The following RGMA variants were observed in gnomAD, a reference collection of about 807,000 sequenced individuals.
The protein encoded by RGMA is repulsive guidance molecule BMP co-receptor a, also known as repulsive guidance molecule A.
Under a neutral mutation model 23.2 loss-of-function variants are expected in RGMA, and 10 were observed. The ratio of observed to expected loss-of-function variants is 0.43; its 90% confidence interval spans 0.27 to 0.73. The LOEUF is 0.73. Among genes scored for constraint, RGMA ranks in the 30% least tolerant of loss-of-function variants. The pLI, the probability that RGMA is intolerant of heterozygous loss-of-function variation, is 0.20. For missense variants in RGMA, 547 were observed against 630.5 expected, an observed-to-expected ratio of 0.87 and a Z score of 1.42; for synonymous variants, 308 against 279.3, an observed-to-expected ratio of 1.10 and a Z score of -1.03.
Position 93,052,181 on chromosome 15 carries a change from T to C in RGMA, c.457A>G (p.Lys153Glu), listed in dbSNP as rs896998075. 1 of 1,612,300 alleles carries C rather than the reference T, an allele frequency of 6.2e-7. No individual in the cohort carries two copies. ...GTGTAGTTGGGGGTGGCCGAGTGCT[T>C]GTGAAAGCTCTTCTCGTAATGGCAG... ...EICHYEKSFHKHSATPNYTHC... is the reference protein window; with the variant it reads ...EICHYEKSFHEHSATPNYTHC... The change falls in exon 3 of 4, where the codon AAG becomes GAG. Residue 153 changes from lysine (K) to glutamate (E), a missense_variant. Around this residue, in one of 3 missense-constraint regions of RGMA, gnomAD observed 214 missense variants for 234.7 expected, o/e 0.91. Coordinates refer to ENST00000329082, the MANE Select transcript of RGMA (RefSeq NM_020211.3).
chr15:93,039,456 A>G lies in RGMA; in HGVS notation c.*5542T>C, dbSNP rs914818209. Reference sequence around the variant, plus strand: ...CGTGCAGAACGCACAAGTTTGTTACATAGGTATACACGTGCCATGGTGGTT... The same window carrying G: ...CGTGCAGAACGCACAAGTTTGTTACGTAGGTATACACGTGCCATGGTGGTT... On this transcript the variant is annotated 3_prime_UTR_variant, in exon 4 of 4. Coordinates refer to ENST00000329082, the MANE Select transcript of RGMA (RefSeq NM_020211.3). 1.3e-5 allele frequency: 2 copies of G among 152,174 alleles called. No individual in the cohort carries two copies. Among genetic ancestry groups the G allele is most frequent in the Non-Finnish European group, 2.9e-5 (2 of 68,038 alleles). 9.4% of individuals were successfully genotyped at this position (152,174 alleles called of 1,614,324 possible). A position where few individuals can be genotyped will look rare whatever the true frequency, so the allele number is the denominator to read the frequency against.
At chr15:93,071,435 T>C (rs1004639627) in intron 2 of RGMA, among the ~76,000 whole-genome samples, 1 of 152,168 alleles carries the variant, frequency 6.6e-6, no homozygotes, top group African/African-American at 2.4e-5. Context: ...AGCTGAGTAC[T>C]TTTTGGGGAT....
chr15:93,063,389 T>A (rs1388857272), intron 2 of RGMA, among the ~76,000 whole-genome samples: 3 of 152,252 alleles, frequency 2.0e-5, no homozygotes, highest in Non-Finnish European at 4.4e-5. Context: ...TCCTGTCCTT[T>A]GTGCCTCAGT....
At chr15:93,057,289 T>C (rs946226210) in intron 2 of RGMA, among the ~76,000 whole-genome samples, 3 of 152,156 alleles carry the variant, frequency 2.0e-5, no homozygotes, top group African/African-American at 7.2e-5. Context: ...GAAGTTCTAA[T>C]CCCTTATGGG....
chr15:93,074,413 G>T (rs1895434502), intron 1 of RGMA, among the ~76,000 whole-genome samples: 1 of 152,190 alleles, frequency 6.6e-6, no homozygotes, highest in Non-Finnish European at 1.5e-5. Context: ...CTATGGCTGT[G>T]AAGACACAAC....
At chr15:93,050,324 G>C (rs916292389) in intron 3 of RGMA, among the ~76,000 whole-genome samples, 1 of 152,300 alleles carries the variant, frequency 6.6e-6, no homozygotes, top group Non-Finnish European at 1.5e-5. Flanking sequence ...GCAGGCCAAA[G>C]GTGCCTGAAG....
At chr15:93,066,356 T>C in intron 2 of RGMA, 1 of 721,302 alleles carries the variant, frequency 1.4e-6, no homozygotes, top group South Asian at 1.4e-5. Context: ...GGACTCGGAG[T>C]GCCAGCAGCA....
At chr15:93,054,364 G>A (rs956033693) in intron 2 of RGMA, among the ~76,000 whole-genome samples, 1 of 152,062 alleles carries the variant, frequency 6.6e-6, no homozygotes, top group South Asian at 2.1e-4. Context: ...GATATGGTTC[G>A]GCTGTGTCCC....
At position 93,088,960 on chromosome 15, in the gene RGMA, G is replaced by C. The variant is rs1365950434; in HGVS notation, c.-28C>G. 7.2e-7 allele frequency: 1 copy of C among 1,380,382 alleles called. No homozygotes were observed. Among genetic ancestry groups the C allele is most frequent in the South Asian group, 1.6e-5 (1 of 62,310 alleles). The allele number at this position is 1,380,382 out of a possible 1,614,324, so 85.5% of individuals were successfully genotyped here. A position where few individuals can be genotyped will look rare whatever the true frequency, so the allele number is the denominator to read the frequency against. Reference sequence around the variant, plus strand: ...GCCCCTGCGGCCCGCGGGGGGTGGCGCTGGCGGGGCTGCGGGAGAAGAGGG... The same window carrying C: ...GCCCCTGCGGCCCGCGGGGGGTGGCCCTGGCGGGGCTGCGGGAGAAGAGGG... On this transcript the variant is annotated 5_prime_UTR_variant, in exon 1 of 4. Transcript: ENST00000329082.
chr15:93,088,949 C>A lies in RGMA; in HGVS notation c.-17G>T. The A allele has an allele frequency of 1.4e-6, 2 of 1,396,524 alleles. No individual in the cohort carries two copies. The highest frequency in any genetic ancestry group is 1.8e-6 in the Non-Finnish European group (2 of 1,082,800). The allele number at this position is 1,396,524 out of a possible 1,614,324, so 86.5% of individuals were successfully genotyped here. A position where few individuals can be genotyped will look rare whatever the true frequency, so the allele number is the denominator to read the frequency against. On this transcript the variant is annotated 5_prime_UTR_variant, in exon 1 of 4. Transcript: ENST00000329082. ...CGGCTGCATGAGCCCCTGCGGCCCG[C>A]GGGGGGTGGCGCTGGCGGGGCTGCG...
At chr15:93,057,976 C>T (rs1379504366) in intron 2 of RGMA, among the ~76,000 whole-genome samples, 1 of 152,138 alleles carries the variant, frequency 6.6e-6, no homozygotes, top group Non-Finnish European at 1.5e-5. Context: ...CTGTCACAAC[C>T]CCTTCCTTCC....
At chr15:93,071,815 G>A (rs1041611966) in intron 2 of RGMA, among the ~76,000 whole-genome samples, 2 of 152,228 alleles carry the variant, frequency 1.3e-5, no homozygotes, top group Admixed American at 1.3e-4. Flanking sequence ...TAGTGCGCGG[G>A]GGCTGCGGCT....
rs1410865581 is a variant in RGMA at position 93,037,812 on chromosome 15, A to C, written c.*7186T>G. The stretch of plus-strand genomic sequence containing the variant: ...GCAGGTTTGAGTTCAGATGTGGAAG[A>C]ATCCAAGTGCCGTCTCAGGGTCACC... On this transcript the variant is annotated 3_prime_UTR_variant, in exon 4 of 4. Transcript: ENST00000329082. The surrounding 1 kb of genome is among the most constrained non-coding windows in gnomAD (Gnocchi z 4.3). The C allele has an allele frequency of 6.6e-6, 1 of 152,208 alleles. No individual in the cohort carries two copies. The highest frequency in any genetic ancestry group is 1.5e-5 in the Non-Finnish European group (1 of 68,062). The allele number at this position is 152,208 out of a possible 1,614,324, so 9.4% of individuals were successfully genotyped here. A position where few individuals can be genotyped will look rare whatever the true frequency, so the allele number is the denominator to read the frequency against.
Position 93,045,722 on chromosome 15 carries a change from CAG to C in RGMA, c.646-19_646-18del. On this transcript the variant is annotated intron_variant, in intron 3 of 3. Coordinates refer to ENST00000329082, the MANE Select transcript of RGMA (RefSeq NM_020211.3). This position sits in a 1 kb window ranked among gnomAD's most constrained non-coding sequence, Gnocchi z 6.9. Reference sequence around the variant, plus strand: ...GATGGTGAGCTGCCGGGGAAAGGGGCAGAGGAGAGTGGGTGAGGCACAGTGGG... The same window carrying C: ...GATGGTGAGCTGCCGGGGAAAGGGGCAGGAGAGTGGGTGAGGCACAGTGGG... The C allele has an allele frequency of 6.3e-7, 1 of 1,584,294 alleles. No individual in the cohort carries two copies. The highest frequency in any genetic ancestry group is 8.6e-7 in the Non-Finnish European group (1 of 1,165,846).
At chr15:93,073,296 GT>G (rs1184872448) in intron 1 of RGMA, 95 of 734,248 alleles carry the variant, frequency 1.3e-4, no homozygotes, top group Non-Finnish European at 1.6e-4. Flanking sequence ...GGCCGGCGAG[GT>G]AGCCGGAGGC....
chr15:93,058,482 CTTTGT>C (rs2055049275), intron 2 of RGMA, among the ~76,000 whole-genome samples: 1 of 152,238 alleles, frequency 6.6e-6, no homozygotes, highest in Admixed American at 6.5e-5. Flanking sequence ...TTTGTGTTAA[CTTTGT>C]TTTGTTTAAT....
At position 93,065,661 on chromosome 15, in the gene RGMA, C is replaced by G. The variant is rs565699009; in HGVS notation, c.130+7255G>C. 652 of 1,052,814 alleles carry G rather than the reference C, an allele frequency of 6.2e-4. 4 individuals carry two copies. In the African/African-American group the frequency reaches 9.4e-3, roughly 15 times the overall value. 65.2% of individuals were successfully genotyped at this position (1,052,814 alleles called of 1,614,324 possible). On this transcript the variant is annotated intron_variant, in intron 2 of 3. Coordinates refer to ENST00000329082, the MANE Select transcript of RGMA (RefSeq NM_020211.3). ...TCAGGGGCTGCGGGCTGCCGGGGGC[C>G]GGGGCCTGCTGCCCTCTCTGCTGGA...
chr15:93,055,804 T>C (rs767507048), intron 2 of RGMA, among the ~76,000 whole-genome samples: 1 of 152,188 alleles, frequency 6.6e-6, no homozygotes, highest in African/African-American at 2.4e-5. Context: ...TGCCCAGGTG[T>C]GGCTCTACCC....
At position 93,039,427 on chromosome 15, in the gene RGMA, T is replaced by C. The variant is rs2054698309; in HGVS notation, c.*5571A>G. On this transcript the variant is annotated 3_prime_UTR_variant, in exon 4 of 4. Transcript: ENST00000329082. ...TATGATTATACTTTCAGTTATGGGGTACACGTGCAGAACGCACAAGTTTGT... is the reference window on the plus strand; with the variant it reads ...TATGATTATACTTTCAGTTATGGGGCACACGTGCAGAACGCACAAGTTTGT... 2 of 152,166 alleles carry C rather than the reference T, an allele frequency of 1.3e-5. No homozygotes were observed. Among genetic ancestry groups the C allele is most frequent in the African/African-American group, 2.4e-5 (1 of 41,412 alleles). The allele number at this position is 152,166 out of a possible 1,614,324, so 9.4% of individuals were successfully genotyped here. A position where few individuals can be genotyped will look rare whatever the true frequency, so the allele number is the denominator to read the frequency against.
Sources: allele counts gnomAD v4.1 joint callset (sites outside exome capture counted in the v4.1 genomes callset), GRCh38; gene constraint gnomAD v4.1.1; regional missense constraint gnomAD v4.1.1; non-coding constraint Gnocchi (gnomAD v3.1); transcripts MANE v1.5; gene names NCBI Gene and HGNC (gene_info 2026-07-23, HGNC 2026-07-21).